PASD1: variants seen among roughly 807,000 people sequenced by gnomAD.
PASD1 encodes circadian clock protein PASD1.
A neutral mutation model predicts 58.8 loss-of-function variants in PASD1; 13 were observed. The ratio of observed to expected loss-of-function variants is 0.22; its 90% CI spans 0.14 to 0.35. The LOEUF (loss-of-function observed/expected upper bound fraction) is 0.35, where lower values mean the gene tolerates loss of function less well. PASD1 is among the 10% of genes least tolerant of loss of function. PASD1 has a pLI of 1.00. For synonymous variants in PASD1, 236 were observed against 216.7 expected, an observed-to-expected ratio of 1.09 and a Z score of -0.78; for missense variants, 734 against 568.3, an observed-to-expected ratio of 1.29 and a Z score of -2.96.
intron 1 of PASD1, among the ~76,000 whole-genome samples, chrX:151,591,761 T>C (rs189430071): frequency 9.0e-6 from 1 of 111,425 alleles, no homozygotes; most frequent in East Asian, 2.8e-4. Flanking sequence ...ATCTGTGGAT[T>C]TTGAGTGTGT....
At chrX:151,592,198 CA>C (rs1163815961) in intron 1 of PASD1, among the ~76,000 whole-genome samples, 1 of 111,867 alleles carries the variant, frequency 8.9e-6, no homozygotes, top group Non-Finnish European at 1.9e-5. Flanking sequence ...CAAAGCAAAA[CA>C]AAAAAACTTA....
Position 151,625,519 on chromosome X carries a change from G to A in PASD1, c.618G>A (p.Val206=), listed in dbSNP as rs1188773832. The part of the protein sequence containing the change: ...LTQDSDEEPF[V]GELSSSQGQR... ...AAGATTCAGATGAGGAACCTTTTGT[G>A]GGAGAGCTCAGGTGAGAGGTAGTAT... The change falls in exon 8 of 16, where the codon GTG becomes GTA. Residue 206 remains valine, a synonymous_variant. Transcript: ENST00000370357. The A allele has an allele frequency of 8.3e-7, 1 of 1,199,649 alleles. No homozygotes were observed. Among genetic ancestry groups the A allele is most frequent in the Non-Finnish European group, 1.1e-6 (1 of 885,384 alleles).
intron 1 of PASD1, among the ~76,000 whole-genome samples, chrX:151,584,845 C>T (rs921546373): frequency 5.4e-5 from 6 of 112,062 alleles, no homozygotes; most frequent in Non-Finnish European, 9.4e-5. Context: ...ATTCTAAATT[C>T]TCATTTCCTC....
chrX:151,637,378 T>A (rs1182796755), intron 8 of PASD1, among the ~76,000 whole-genome samples: 1 of 111,333 alleles, frequency 9.0e-6, no homozygotes, highest in East Asian at 2.8e-4. Flanking sequence ...TTGTTTTTTG[T>A]TTGTTTGTTT....
chrX:151,668,917 T>G (rs201802019), intron 11 of PASD1, among the ~76,000 whole-genome samples: 10 of 1,730 alleles, frequency 5.8e-3, no homozygotes, highest in Non-Finnish European at 0.05. Context: ...AAAAAAGAGA[T>G]TTTTTTTTTT....
chrX:151,598,075 C>CT (rs765679352), intron 1 of PASD1, among the ~76,000 whole-genome samples: 1 of 112,078 alleles, frequency 8.9e-6, no homozygotes, highest in Admixed American at 9.4e-5. Context: ...TTTTTGTTTG[C>CT]TTTTTTTCCT....
rs1333101955 is a variant in PASD1, at chrX:151,672,242, G to T, written c.1497G>T (p.Gln499His). Reference sequence around the variant, plus strand: ...AGCAGCAGCGGCAGCTGCGGGAGCAGCTGCAACAGCTGAGAGAGCAAAGGA... The same window carrying T: ...AGCAGCAGCGGCAGCTGCGGGAGCATCTGCAACAGCTGAGAGAGCAAAGGA... ...LKEQQRQLRE[Q>H]LQQLREQRKV... The change falls in exon 14 of 16, where the codon CAG (glutamine) becomes CAT (histidine). Residue 499 changes from glutamine to histidine, a missense_variant. Physicochemically the swap from Gln to His is conservative, Grantham distance 24. Coordinates refer to ENST00000370357, the MANE Select transcript of PASD1 (RefSeq NM_173493.3). 2.6e-6 allele frequency: 3 copies of T among 1,163,324 alleles called. No individual in the cohort carries two copies. The Admixed American group carries it at 7.9e-5, about 30-fold the overall frequency.
At chrX:151,598,218 T>C (rs1238071316) in intron 1 of PASD1, among the ~76,000 whole-genome samples, 1 of 112,207 alleles carries the variant, frequency 8.9e-6, no homozygotes, top group Non-Finnish European at 1.9e-5. Flanking sequence ...TTAGGAAGTT[T>C]TGTTATTTTG....
chrX:151,628,451 G>A (rs1168728192), intron 8 of PASD1, among the ~76,000 whole-genome samples: 3 of 111,995 alleles, frequency 2.7e-5, no homozygotes, highest in African/African-American at 6.5e-5. Context: ...AGCACCATTT[G>A]TTAAATAGGG....
chrX:151,672,083 T>G (rs2014478794), intron 13 of PASD1, 100 bp from the exon 14 acceptor site: 12 of 1,086,241 alleles, frequency 1.1e-5, no homozygotes, highest in Non-Finnish European at 1.4e-5. Flanking sequence ...TCAACTGTTG[T>G]CACCTTTTGC....
In PASD1 at chrX:151,601,520, A is replaced by T; in HGVS notation, c.-27-7A>T. 1 of 1,202,344 alleles carries T rather than the reference A, an allele frequency of 8.3e-7. No individual in the cohort carries two copies. The highest frequency in any genetic ancestry group is 1.1e-6 in the Non-Finnish European group (1 of 887,606). The stretch of plus-strand genomic sequence containing the variant: ...CTTAGTAAAATGTTGCTTCACTTTG[A>T]TTTCAGGAGTCTTCCTACGTCACTG... On this transcript the variant is annotated splice_polypyrimidine_tract_variant and splice_region_variant and intron_variant, in intron 1 of 15. Coordinates refer to ENST00000370357, the MANE Select transcript of PASD1 (RefSeq NM_173493.3).
intron 6 of PASD1, among the ~76,000 whole-genome samples, chrX:151,622,569 ACT>A (rs1361156324): frequency 5.4e-5 from 5 of 92,137 alleles, no homozygotes; most frequent in Non-Finnish European, 1.1e-4. Context: ...ATCTTACTTG[ACT>A]CTGTGTGCAC....
intron 1 of PASD1, among the ~76,000 whole-genome samples, chrX:151,569,406 T>G (rs1031371298): frequency 8.9e-6 from 1 of 112,019 alleles, no homozygotes; most frequent in African/African-American, 3.2e-5. Context: ...CACAGCACTT[T>G]GAAATGAGAA....
chrX:151,618,455 C>T (rs967196378), intron 4 of PASD1, among the ~76,000 whole-genome samples: 10 of 111,795 alleles, frequency 8.9e-5, no homozygotes, highest in Admixed American at 1.9e-4. Context: ...CATGTCTCAC[C>T]GTATTTCAGC....
At chrX:151,652,425 C>T (rs972242365) in intron 9 of PASD1, among the ~76,000 whole-genome samples, 3 of 108,982 alleles carry the variant, frequency 2.8e-5, no homozygotes, top group Non-Finnish European at 5.7e-5. Context: ...CCCAGCTACT[C>T]AGGAGGCTGA....
chrX:151,664,357 A>G lies in PASD1; in HGVS notation c.1071+9A>G. Reference sequence around the variant, plus strand: ...CTGGCGCAAGTGCTCAGGTACTCTGAAAGTCTCGCTTCACTCGCTTCACGT... The same window carrying G: ...CTGGCGCAAGTGCTCAGGTACTCTGGAAGTCTCGCTTCACTCGCTTCACGT... On this transcript the variant is annotated intron_variant, in intron 11 of 15. Transcript: ENST00000370357. 8.3e-7 allele frequency: 1 copy of G among 1,210,867 alleles called. No homozygotes were observed.
intron 3 of PASD1, among the ~76,000 whole-genome samples, chrX:151,609,623 T>G (rs753564537): frequency 8.9e-6 from 1 of 112,160 alleles, no homozygotes; most frequent in African/African-American, 3.2e-5. Context: ...ATCCATGTTG[T>G]AGTATGTGGC....
At chrX:151,581,369 T>TC (rs2013091577) in intron 1 of PASD1, among the ~76,000 whole-genome samples, 2 of 108,881 alleles carry the variant, frequency 1.8e-5, no homozygotes, top group Admixed American at 2.0e-4. Flanking sequence ...TGCAGGAGGA[T>TC]CCCCTCAGGC....
rs746488451 is a variant in PASD1 at position 151,628,007 on chromosome X, T to G, written c.629+2477T>G. On this transcript the variant is annotated intron_variant, in intron 8 of 15. Transcript: ENST00000370357. The stretch of plus-strand genomic sequence containing the variant: ...TTTTGGCTGCATAAATGTCTTCTTT[T>G]GAGAAGTGTCTGTTCATATCCTTCG... 3.1e-4 allele frequency among the ~76,000 whole-genome samples: 35 copies of G among 111,784 alleles called. No homozygotes were observed. In the East Asian group the frequency reaches 4.2e-3, roughly 13 times the overall value.
Sources: gnomAD v4.1 joint callset for allele counts (sites outside exome capture counted in the v4.1 genomes callset) on GRCh38, gnomAD v4.1.1 for gene constraint, MANE v1.5 for transcripts, NCBI Gene and HGNC (gene_info 2026-07-23, HGNC 2026-07-21) for gene names.